Variants in TTC6 observed in about 807,000 individuals in gnomAD.
The protein encoded by TTC6 is tetratricopeptide repeat protein 6.
Under a neutral mutation model 210.4 loss-of-function variants are expected in TTC6, and 172 were observed. The observed-to-expected ratio is 0.82, with a 90% CI of 0.72 to 0.93. The LOEUF is 0.93. TTC6 is among the 40% of genes least tolerant of loss of function. The pLI is 0.00. For synonymous variants in TTC6, 804 were observed against 819.6 expected (o/e 0.98, Z 0.32); for missense variants, 2,414 against 2,318.1 (o/e 1.04, Z -0.85).
intron 26 of TTC6, 72 bp downstream of exon 28, chr14:37,817,723 A>G (rs563566914): frequency 3.5e-6 from 5 of 1,421,062 alleles, no homozygotes; most frequent in East Asian, 4.6e-5. Context: ...CACCCCATAA[A>G]CAAGCCAGGA....
chr14:37,820,490 G>T (rs981480748), intron 26 of TTC6, among the ~76,000 whole-genome samples: 1 of 152,122 alleles, frequency 6.6e-6, no homozygotes, highest in South Asian at 2.1e-4. Flanking sequence ...TTTCTAATTG[G>T]TTAGGCTATA....
upstream of TTC6, among the ~76,000 whole-genome samples, chr14:37,619,208 T>C (rs1566842270): frequency 6.6e-6 from 1 of 152,160 alleles, no homozygotes; most frequent in Non-Finnish European, 1.5e-5. Flanking sequence ...TTGGTATGGA[T>C]AGAATTGAAT....
intron 15 of TTC6, among the ~76,000 whole-genome samples, chr14:37,788,399 A>T (rs2096072584): frequency 6.6e-6 from 1 of 152,146 alleles, no homozygotes. Context: ...GTGTCTAGAG[A>T]TGAAGAGACA....
At chr14:37,716,079 A>T (rs919078526) in intron 6 of TTC6, among the ~76,000 whole-genome samples, 3 of 152,154 alleles carry the variant, frequency 2.0e-5, no homozygotes, top group Admixed American at 1.3e-4. Flanking sequence ...AAAGAGACAT[A>T]AAGGGAGGTG....
intron 20 of TTC6, among the ~76,000 whole-genome samples, chr14:37,802,619 T>C (rs2096109426): frequency 6.6e-6 from 1 of 152,114 alleles, no homozygotes; most frequent in Admixed American, 6.6e-5. Context: ...AGATGATAAA[T>C]GCATGTTACT....
chr14:37,765,837 T>C (rs1444566260), intron 14 of TTC6, among the ~76,000 whole-genome samples: 1 of 152,186 alleles, frequency 6.6e-6, no homozygotes, highest in Non-Finnish European at 1.5e-5. Context: ...TTGATTTTTT[T>C]TTAAAGCACT....
At chr14:37,689,846 C>T (rs1050991425) in intron 3 of TTC6, among the ~76,000 whole-genome samples, 4 of 151,874 alleles carry the variant, frequency 2.6e-5, no homozygotes, top group Non-Finnish European at 4.4e-5. Context: ...GAGAGAAAAG[C>T]ATGATAATGA....
chr14:37,599,350 G>T (rs2095610816), intron 1 of TTC6, among the ~76,000 whole-genome samples: 1 of 152,196 alleles, frequency 6.6e-6, no homozygotes, highest in Non-Finnish European at 1.5e-5. Flanking sequence ...CCACTTGACG[G>T]GCCTTTGCAG....
At chr14:37,729,086 A>G (rs1420986727) in intron 7 of TTC6, among the ~76,000 whole-genome samples, 2 of 152,212 alleles carry the variant, frequency 1.3e-5, no homozygotes, top group African/African-American at 2.4e-5. Flanking sequence ...TTGAATATAT[A>G]TATCTTTGCA....
At chr14:37,810,772 C>T (rs1362449998) in intron 24 of TTC6, among the ~76,000 whole-genome samples, 1 of 152,114 alleles carries the variant, frequency 6.6e-6, no homozygotes, top group African/African-American at 2.4e-5. Context: ...TAGGCATTCT[C>T]CCAAGATATA....
intron 1 of TTC6, among the ~76,000 whole-genome samples, chr14:37,645,080 A>G (rs1231608310): frequency 1.3e-5 from 2 of 152,184 alleles, no homozygotes; most frequent in East Asian, 3.9e-4. Context: ...ACTACTTTCC[A>G]ACTAGTAGGG....
intron 1 of TTC6, among the ~76,000 whole-genome samples, chr14:37,634,561 G>A (rs2095676329): frequency 6.6e-6 from 1 of 152,076 alleles, no homozygotes; most frequent in African/African-American, 2.4e-5. Flanking sequence ...GACTGAAAAA[G>A]TACAAAAAGA....
intron 5 of TTC6, among the ~76,000 whole-genome samples, chr14:37,708,884 A>G (rs984191355): frequency 6.6e-6 from 1 of 151,968 alleles, no homozygotes; most frequent in Admixed American, 6.6e-5. Flanking sequence ...GTTGTTAATT[A>G]CTGAAAGCTT....
chr14:37,724,953 T>C, exon 7 of TTC6: 2 of 1,529,706 alleles, frequency 1.3e-6, no homozygotes, highest in South Asian at 2.4e-5. Context: ...GCACCTAAAT[T>C]CTCTGTTCCA....
intron 2 of TTC6, among the ~76,000 whole-genome samples, chr14:37,608,901 T>C (rs1486224634): frequency 1.3e-5 from 2 of 152,132 alleles, no homozygotes; most frequent in African/African-American, 4.8e-5. Flanking sequence ...GGGTGGTGGT[T>C]GGAAAGTGGC....
intron 29 of TTC6, among the ~76,000 whole-genome samples, chr14:37,838,252 A>G (rs1946359637): frequency 6.6e-6 from 1 of 152,238 alleles, no homozygotes; most frequent in Non-Finnish European, 1.5e-5. Flanking sequence ...AGTTAAAAAA[A>G]TTCTAGTATA....
At chr14:37,724,928 T>C (rs1282661563) in exon 7 of TTC6, 1 of 1,528,272 alleles carries the variant, frequency 6.5e-7, no homozygotes, top group Non-Finnish European at 8.8e-7. Context: ...CACGAAGTTG[T>C]TTTGGAATAC....
intron 3 of TTC6, among the ~76,000 whole-genome samples, chr14:37,694,260 G>GA (rs2095810150): frequency 6.6e-6 from 1 of 152,002 alleles, no homozygotes; most frequent in Non-Finnish European, 1.5e-5. Flanking sequence ...AACTCTGTAG[G>GA]AAAAAATCTA....
chr14:37,726,010 T>C (rs1350866785), intron 7 of TTC6, among the ~76,000 whole-genome samples: 1 of 152,182 alleles, frequency 6.6e-6, no homozygotes, highest in African/African-American at 2.4e-5. Flanking sequence ...CCACAGAGAA[T>C]TGCTGCCCAC....
Sources: allele counts gnomAD v4.1 joint callset (sites outside exome capture counted in the v4.1 genomes callset), GRCh38; gene constraint gnomAD v4.1.1; transcripts MANE v1.5; gene names NCBI Gene and HGNC (gene_info 2026-07-23, HGNC 2026-07-21).